The following CREG2 variants were observed in gnomAD, a reference collection of about 807,000 sequenced individuals.
CREG2 encodes the protein cellular repressor of E1A stimulated genes 2.
CREG2 carries 24 observed loss-of-function variants against 26.2 expected under a neutral mutation model. The ratio of observed to expected loss-of-function variants is 0.92; its 90% CI spans 0.66 to 1.29. CREG2 has a LOEUF of 1.29. Ranked by LOEUF, CREG2 falls within the 50% of genes most tolerant of loss-of-function variation. The pLI, the probability that CREG2 is intolerant of heterozygous loss-of-function variation, is 0.00. For missense variants in CREG2, 366 were observed against 398.6 expected (o/e 0.92, Z 0.70); for synonymous variants, 174 against 169.2 (o/e 1.03, Z -0.22).
Position 101,350,942 on chromosome 2 carries a change from G to T in CREG2, c.854C>A (p.Ala285Glu). The change falls in exon 4 of 4, where the codon GCA becomes GAA. Residue 285 changes from alanine (A) to glutamate (E), a missense_variant. Transcript: ENST00000324768. ...SSISREEYFK[A>E]VPRKA ...ACTCCATCAGGCCTTTCTGGGAACT[G>T]CTTTGAAATATTCCTCCCTTGAAAT... 2.5e-6 allele frequency: 4 copies of T among 1,614,152 alleles called. No homozygotes were observed. Among genetic ancestry groups the T allele is most frequent in the Non-Finnish European group, 3.4e-6 (4 of 1,180,006 alleles).
chr2:101,382,505 A>G, intron 2 of CREG2: 1 of 985,000 alleles, frequency 1.0e-6, no homozygotes. Flanking sequence ...AGCTTGACTG[A>G]CCAAGAACAG....
rs904461115 is a variant in CREG2 at position 101,358,800 on chromosome 2, C to G, written c.612-3434G>C. On this transcript the variant is annotated intron_variant, in intron 2 of 3. Coordinates refer to ENST00000324768, the MANE Select transcript of CREG2 (RefSeq NM_153836.4). ...CCTGTAATCCCAGCACTTTGGGAGGCCGAGGCGGGCGGATCACGAGGTCAG... is the reference window on the plus strand; with the variant it reads ...CCTGTAATCCCAGCACTTTGGGAGGGCGAGGCGGGCGGATCACGAGGTCAG... Among the ~76,000 whole-genome samples the G allele has an allele frequency of 1.5e-4, 3 of 19,546 alleles. 1 individual carries two copies. Among genetic ancestry groups the G allele is most frequent in the African/African-American group, 2.3e-4 (3 of 13,082 alleles). 12.8% of individuals were successfully genotyped at this position (19,546 alleles called of 152,430 possible).
In CREG2 at chr2:101,387,326, G is replaced by C; in HGVS notation, c.132C>G (p.Asn44Lys). Reference protein sequence around the residue: ...IVSSVSWAVTNEVDEELDSAS... With the variant: ...IVSSVSWAVTKEVDEELDSAS... ...CGCTGTCCAGCTCCTCGTCCACCTC[G>C]TTGGTGACGGCCCAAGACACGGAGC... The change falls in exon 1 of 4, where the codon AAC becomes AAG. Residue 44 changes from asparagine (N) to lysine (K), a missense_variant. Physicochemically the swap from Asn to Lys is moderately conservative, Grantham distance 94. Around this residue, in one of 3 missense-constraint regions of CREG2, gnomAD observed 177 missense variants for 183.3 expected, o/e 0.97. Coordinates refer to ENST00000324768, the MANE Select transcript of CREG2 (RefSeq NM_153836.4). The surrounding 1 kb of genome is among the most constrained non-coding windows in gnomAD (Gnocchi z 4.7). The C allele has an allele frequency of 6.7e-7, 1 of 1,495,138 alleles. No homozygotes were observed. 92.6% of individuals were successfully genotyped at this position (1,495,138 alleles called of 1,614,324 possible).
intron 2 of CREG2, among the ~76,000 whole-genome samples, chr2:101,374,829 A>G (rs1450262482): frequency 6.6e-6 from 1 of 152,226 alleles, no homozygotes; most frequent in Non-Finnish European, 1.5e-5. Context: ...AGTTAAAAAG[A>G]TGGAGGCTGG....
chr2:101,383,759 G>A lies in CREG2; in HGVS notation c.442-57C>T, dbSNP rs1323834904. ...CAGAGCTGTGGCTCGACTTGATCTG[G>A]GAGCTTAGCTTGTGCCTCTGGCTAG... On this transcript the variant is annotated intron_variant, in intron 1 of 3. Coordinates refer to ENST00000324768, the MANE Select transcript of CREG2 (RefSeq NM_153836.4). 7.4e-6 allele frequency: 11 copies of A among 1,494,430 alleles called. No homozygotes were observed. The South Asian group carries it at 9.3e-5, about 13-fold the overall frequency. The allele number at this position is 1,494,430 out of a possible 1,614,324, so 92.6% of individuals were successfully genotyped here. A position where few individuals can be genotyped will look rare whatever the true frequency, so the allele number is the denominator to read the frequency against.
rs75088327 is a variant in CREG2, at chr2:101,377,775, A to G, written c.611+5758T>C. ...GAAGGCATCACAGCACCCAGGAGTA[A>G]ACAGAATAATTGGATAAAACAGACT... On this transcript the variant is annotated intron_variant, in intron 2 of 3. Transcript: ENST00000324768. Among the ~76,000 whole-genome samples the G allele has an allele frequency of 4.3e-3, 656 of 152,294 alleles. 1 individual carries two copies. The highest frequency in any genetic ancestry group is 7.2e-3 in the Non-Finnish European group (491 of 68,026).
rs906596266 is a variant in CREG2 at position 101,350,726 on chromosome 2, G to A, written c.*197C>T. On this transcript the variant is annotated 3_prime_UTR_variant, in exon 4 of 4. Transcript: ENST00000324768. ...CTATCTACGTGAAGTATCTGTGTGA[G>A]TTGGAGATCTGCAAATGACCACTTT... is the stretch of plus-strand genomic sequence containing the variant. 3.4e-6 allele frequency: 2 copies of A among 580,338 alleles called. No homozygotes were observed. Among genetic ancestry groups the A allele is most frequent in the African/African-American group, 3.7e-5 (2 of 53,798 alleles). The allele number at this position is 580,338 out of a possible 1,614,324, so 35.9% of individuals were successfully genotyped here.
chr2:101,384,573 G>A (rs1288887274), intron 1 of CREG2, among the ~76,000 whole-genome samples: 2 of 152,282 alleles, frequency 1.3e-5, no homozygotes, highest in South Asian at 2.1e-4. Context: ...GTTCCCCTGA[G>A]AGAAGGTTTA....
chr2:101,385,267 C>T (rs918261411), intron 1 of CREG2, among the ~76,000 whole-genome samples: 4 of 152,172 alleles, frequency 2.6e-5, no homozygotes, highest in African/African-American at 9.7e-5. Flanking sequence ...ACTGCAGCCT[C>T]CGTCTCCTGG....
At chr2:101,375,816 C>G (rs988753308) in intron 2 of CREG2, 6 of 153,980 alleles carry the variant, frequency 3.9e-5, no homozygotes, top group African/African-American at 1.4e-4. Context: ...CCTGGACCTG[C>G]TCCCAGCTGC....
Position 101,387,267 on chromosome 2 carries a change from T to G in CREG2, c.191A>C (p.Glu64Ala). ...TTGCTGCCAGATGCTGCCCGAATCC[T>G]CTAGCAGCGCGGGCATAGCCTCCTC... Reference protein sequence around the residue: ...STEEAMPALLEDSGSIWQQSF... With the variant: ...STEEAMPALLADSGSIWQQSF... Residue 64 changes from glutamate to alanine, a missense_variant, in exon 1 of 4, where the codon GAG (glutamate) becomes GCG (alanine). Glu to Ala is a moderately radical substitution (Grantham distance 107, BLOSUM62 -1). Coordinates refer to ENST00000324768, the MANE Select transcript of CREG2 (RefSeq NM_153836.4). This position sits in a 1 kb window ranked among gnomAD's most constrained non-coding sequence, Gnocchi z 4.7. 1 of 1,476,798 alleles carries G rather than the reference T, an allele frequency of 6.8e-7. No individual in the cohort carries two copies. Among genetic ancestry groups the G allele is most frequent in the Non-Finnish European group, 9.0e-7 (1 of 1,105,814 alleles). 91.5% of individuals were successfully genotyped at this position (1,476,798 alleles called of 1,614,324 possible).
In CREG2 at chr2:101,387,436, G is replaced by T. The variant is rs768068869; in HGVS notation, c.22C>A (p.Arg8=). The T allele has an allele frequency of 1.6e-6, 2 of 1,239,486 alleles. No homozygotes were observed. The highest frequency in any genetic ancestry group is 1.0e-6 in the Non-Finnish European group (1 of 984,818). 76.8% of individuals were successfully genotyped at this position (1,239,486 alleles called of 1,614,324 possible). The change falls in exon 1 of 4, where the codon CGG becomes AGG. Residue 8 remains arginine (R), a synonymous_variant. Transcript: ENST00000324768. This position sits in a 1 kb window ranked among gnomAD's most constrained non-coding sequence, Gnocchi z 4.7. MSVRRGR[R]PARPGTRLSW... is the part of the protein sequence containing the mutation. ...AGGCGGGTCCCCGGCCGCGCCGGCC[G>T]CCGGCCGCGGCGCACGGACATCTTG...
At chr2:101,359,362 T>C (rs1316002421) in intron 2 of CREG2, among the ~76,000 whole-genome samples, 1 of 152,206 alleles carries the variant, frequency 6.6e-6, no homozygotes, top group Non-Finnish European at 1.5e-5. Context: ...GTACACATGC[T>C]CACTTGAGAT....
At chr2:101,355,162 A>C in intron 3 of CREG2, 91 bp downstream of exon 3, 1 of 814,544 alleles carries the variant, frequency 1.2e-6, no homozygotes. Context: ...CCAATCACTT[A>C]TTGCATCAGA....
intron 2 of CREG2, among the ~76,000 whole-genome samples, chr2:101,358,653 C>T (rs920074326): frequency 1.3e-5 from 2 of 152,170 alleles, no homozygotes; most frequent in African/African-American, 4.8e-5. Flanking sequence ...AAAACTGTTA[C>T]AAGCAGTGAA....
intron 2 of CREG2, among the ~76,000 whole-genome samples, chr2:101,374,079 G>A (rs564274032): frequency 1.3e-5 from 2 of 152,184 alleles, no homozygotes; most frequent in Non-Finnish European, 2.9e-5. Context: ...TCGACTCAAC[G>A]GCCTGCCCTG....
chr2:101,358,168 T>A (rs1435185029), intron 2 of CREG2, among the ~76,000 whole-genome samples: 1 of 152,102 alleles, frequency 6.6e-6, no homozygotes, highest in Non-Finnish European at 1.5e-5. Flanking sequence ...AGTTTTGTAT[T>A]TTTAATGGAG....
At chr2:101,362,715 T>C (rs1171194646) in intron 2 of CREG2, among the ~76,000 whole-genome samples, 2 of 152,224 alleles carry the variant, frequency 1.3e-5, no homozygotes, top group Admixed American at 6.5e-5. Flanking sequence ...ATTGCATCTC[T>C]CCTTCAGGCC....
intron 2 of CREG2, among the ~76,000 whole-genome samples, chr2:101,383,283 C>A (rs1339647781): frequency 2.6e-5 from 4 of 152,158 alleles, no homozygotes; most frequent in African/African-American, 7.2e-5. Flanking sequence ...CTTGCAATAA[C>A]CCTCGGAGGC....
Sources: gnomAD v4.1 joint callset for allele counts (sites outside exome capture counted in the v4.1 genomes callset) on GRCh38, gnomAD v4.1.1 for gene constraint, gnomAD v4.1.1 regional missense constraint, Gnocchi (gnomAD v3.1) non-coding constraint, MANE v1.5 for transcripts, NCBI Gene and HGNC (gene_info 2026-07-23, HGNC 2026-07-21) for gene names.